The following FOXP2 variants were observed in gnomAD, a reference collection of about 807,000 sequenced individuals.
FOXP2 encodes the protein forkhead box protein P2.
FOXP2 carries 12 observed loss-of-function variants against 115.8 expected under a neutral mutation model. The ratio of observed to expected loss-of-function variants is 0.10; its 90% CI spans 0.07 to 0.17. The LOEUF (loss-of-function observed/expected upper bound fraction) is 0.17, where lower values mean the gene tolerates loss of function less well. FOXP2 is among the 10% of genes least tolerant of loss of function. The pLI, the probability that FOXP2 is intolerant of heterozygous loss-of-function variation, is 1.00. For synonymous variants in FOXP2, 328 were observed against 297.7 expected, an observed-to-expected ratio of 1.10 and a Z score of -1.05; for missense variants, 629 against 843.5, an observed-to-expected ratio of 0.75 and a Z score of 3.15.
intron 3 of FOXP2, among the ~76,000 whole-genome samples, chr7:114,597,007 A>G (rs532083095): frequency 6.6e-6 from 1 of 152,242 alleles, no homozygotes; most frequent in African/African-American, 2.4e-5. Flanking sequence ...ATCAAAAATA[A>G]TTCAGAATTA....
chr7:114,291,503 G>A (rs935025430), intron 2 of FOXP2, among the ~76,000 whole-genome samples: 53 of 152,214 alleles, frequency 3.5e-4, no homozygotes, highest in African/African-American at 1.2e-3. Flanking sequence ...TTTCATATAT[G>A]TAGAAGCTTA....
intron 1 of FOXP2, among the ~76,000 whole-genome samples, chr7:114,237,956 C>T (rs191862437): frequency 3.7e-4 from 57 of 152,234 alleles, no homozygotes; most frequent in Admixed American, 9.2e-4. Flanking sequence ...GCCTGGGCAG[C>T]GGCAGAGCGA....
intron 1 of FOXP2, among the ~76,000 whole-genome samples, chr7:114,263,702 T>C (rs1328100484): frequency 6.6e-6 from 1 of 151,514 alleles, no homozygotes; most frequent in Non-Finnish European, 1.5e-5. Flanking sequence ...TCCTGATTCT[T>C]TGTAACTGTT....
intron 1 of FOXP2, among the ~76,000 whole-genome samples, chr7:114,267,019 G>A (rs1795911860): frequency 6.6e-6 from 1 of 151,638 alleles, no homozygotes; most frequent in African/African-American, 2.4e-5. Flanking sequence ...TTGGAAGGAG[G>A]GAAAAAAACA....
At chr7:114,556,589 T>C (rs944411543) in intron 3 of FOXP2, among the ~76,000 whole-genome samples, 4 of 152,256 alleles carry the variant, frequency 2.6e-5, no homozygotes, top group Admixed American at 2.0e-4. Flanking sequence ...TGAATCTTCA[T>C]GCTTCATTCA....
chr7:114,563,408 T>C (rs1346942141), intron 3 of FOXP2, among the ~76,000 whole-genome samples: 1 of 152,192 alleles, frequency 6.6e-6, no homozygotes, highest in African/African-American at 2.4e-5. Flanking sequence ...TGCCTACAAC[T>C]TTTTTTGTTA....
At chr7:114,102,729 C>G (rs2129140927) in intron 1 of FOXP2, among the ~76,000 whole-genome samples, 2 of 151,186 alleles carry the variant, frequency 1.3e-5, no homozygotes, top group South Asian at 4.2e-4. Context: ...CACACACACA[C>G]ACACCCCAAT....
intron 1 of FOXP2, among the ~76,000 whole-genome samples, chr7:114,102,661 A>G (rs1158213402): frequency 6.7e-6 from 1 of 148,312 alleles, no homozygotes; most frequent in East Asian, 2.0e-4. Flanking sequence ...TAACCCATGG[A>G]CCATATTTTG....
At chr7:114,371,548 G>A (rs1263902945) in intron 2 of FOXP2, among the ~76,000 whole-genome samples, 3 of 152,054 alleles carry the variant, frequency 2.0e-5, no homozygotes, top group East Asian at 3.8e-4. Context: ...GCTTTTCAGA[G>A]TGGAAAAATA....
chr7:114,491,868 GTC>G (rs1284679260), intron 2 of FOXP2, among the ~76,000 whole-genome samples: 1 of 151,988 alleles, frequency 6.6e-6, no homozygotes, highest in African/African-American at 2.4e-5. Context: ...TGGTCTAAAA[GTC>G]TCTTTTTTTG....
intron 3 of FOXP2, among the ~76,000 whole-genome samples, chr7:114,551,230 T>C (rs994136386): frequency 6.6e-6 from 1 of 152,190 alleles, no homozygotes; most frequent in African/African-American, 2.4e-5. Flanking sequence ...CAAAGAAACA[T>C]GACTAAATGC....
Position 114,316,845 on chromosome 7 carries a change from T to A in FOXP2, c.-11+28736T>A, listed in dbSNP as rs541309195. Among the ~76,000 whole-genome samples, 77 of 152,224 alleles carry A rather than the reference T, an allele frequency of 5.1e-4. 1 individual carries two copies. Among genetic ancestry groups the A allele is most frequent in the African/African-American group, 1.5e-3 (62 of 41,540 alleles). ...ATAAAAAACTTTCTAATTTTTTTTT[T>A]AAATTCTTTCTCCTCTAAAGACATG... On this transcript the variant is annotated intron_variant, in intron 2 of 17. Coordinates refer to the FOXP2 transcript ENST00000634411.
chr7:114,561,278 T>G (rs1264340082), intron 3 of FOXP2: 2 of 152,202 alleles, frequency 1.3e-5, no homozygotes, highest in East Asian at 1.9e-4. Context: ...GCTACTAGAC[T>G]GCAGCCTTGT....
chr7:114,404,391 G>A (rs932791828), intron 2 of FOXP2, among the ~76,000 whole-genome samples: 13 of 152,026 alleles, frequency 8.6e-5, no homozygotes, highest in African/African-American at 2.9e-4. Flanking sequence ...TATGTAATAA[G>A]TTCTAATTGG....
intron 9 of FOXP2, 141 bp from the exon 10 acceptor site, chr7:114,653,785 C>G: frequency 1.1e-6 from 1 of 898,906 alleles, no homozygotes; most frequent in East Asian, 2.5e-5. Flanking sequence ...CATTTCCTCC[C>G]AGATAAGTTC....
chr7:114,571,013 A>G (rs1347130731), intron 3 of FOXP2: 1 of 808,550 alleles, frequency 1.2e-6, no homozygotes, highest in Non-Finnish European at 2.1e-6. Flanking sequence ...GATACAAATA[A>G]TGTTAAGATA....
At chr7:114,194,924 T>C (rs1366971343) in intron 1 of FOXP2, among the ~76,000 whole-genome samples, 1 of 152,144 alleles carries the variant, frequency 6.6e-6, no homozygotes, top group African/African-American at 2.4e-5. Flanking sequence ...TTTTGCAAAA[T>C]TGCTTTATGT....
At chr7:114,193,574 T>C (rs1793821953) in intron 1 of FOXP2, among the ~76,000 whole-genome samples, 1 of 152,044 alleles carries the variant, frequency 6.6e-6, no homozygotes, top group South Asian at 2.1e-4. Flanking sequence ...ATAAACCTAT[T>C]CATACCTAAA....
At chr7:114,238,039 A>G (rs2129167065) in intron 1 of FOXP2, among the ~76,000 whole-genome samples, 1 of 152,342 alleles carries the variant, frequency 6.6e-6, no homozygotes, top group South Asian at 2.1e-4. Flanking sequence ...ATCTCTGGAA[A>G]CAAAGTTGCT....
Sources: allele counts gnomAD v4.1 joint callset (sites outside exome capture counted in the v4.1 genomes callset), GRCh38; gene constraint gnomAD v4.1.1; transcripts MANE v1.5; gene names NCBI Gene and HGNC (gene_info 2026-07-23, HGNC 2026-07-21).